Variants in NBAS observed in about 807,000 individuals in gnomAD.
NBAS encodes NBAS subunit of NRZ tethering complex, also known as NAG/BC035112 fusion.
In NBAS, 219 loss-of-function variants were observed where a neutral mutation model predicts 302.5. The observed-to-expected ratio is 0.72, with a 90% CI of 0.65 to 0.81. NBAS has a LOEUF of 0.81. Among genes scored for constraint, NBAS ranks in the 30% least tolerant of loss-of-function variants. The pLI is 0.00. For synonymous variants in NBAS, 1,118 were observed against 1,021.6 expected (o/e 1.09, Z -1.80); for missense variants, 2,932 against 2,841.6 (o/e 1.03, Z -0.72).
intron 38 of NBAS, among the ~76,000 whole-genome samples, chr2:15,319,276 A>C (rs1449422926): frequency 6.6e-6 from 1 of 152,226 alleles, no homozygotes; most frequent in Non-Finnish European, 1.5e-5. Flanking sequence ...TATAGCACTA[A>C]ATGCCCACAA....
chr2:15,034,266 AAGAAAGAAAGAG>A, the NBAS span, among the ~76,000 whole-genome samples: 150 of 100,178 alleles, frequency 1.5e-3, 1 homozygote, highest in Middle Eastern at 0.013. Context: ...GAAAGAAAGA[AAGAAAGAAAGAG>A]AGAAAGAAAG....
At chr2:15,007,197 C>T in the NBAS span, among the ~76,000 whole-genome samples, 1,000 of 152,172 alleles carry the variant, frequency 6.6e-3, 12 homozygotes, top group South Asian at 0.02. Flanking sequence ...CTAAATTATC[C>T]GGATACACTA....
chr2:14,833,328 T>G, the NBAS span, among the ~76,000 whole-genome samples: 2 of 152,100 alleles, frequency 1.3e-5, no homozygotes, highest in Non-Finnish European at 2.9e-5. Context: ...GGGTTCCAAG[T>G]TACATGAGGT....
chr2:15,320,562 A>C (rs1308638276), intron 38 of NBAS, among the ~76,000 whole-genome samples: 1 of 152,214 alleles, frequency 6.6e-6, no homozygotes, highest in African/African-American at 2.4e-5. Flanking sequence ...TCAGGATACA[A>C]AATCAAGGTG....
chr2:15,334,294 A>G (rs1221608677), intron 35 of NBAS, among the ~76,000 whole-genome samples: 1 of 151,650 alleles, frequency 6.6e-6, no homozygotes, highest in Non-Finnish European at 1.5e-5. Context: ...GGTTCATGCC[A>G]TTCTCCTGCC....
the NBAS span, among the ~76,000 whole-genome samples, chr2:15,091,293 A>AACACG: frequency 6.6e-5 from 10 of 151,910 alleles, no homozygotes; most frequent in Admixed American, 2.0e-4. Context: ...CACTTCATAC[A>AACACG]GTTTGAACTG....
At chr2:14,938,391 C>A in the NBAS span, among the ~76,000 whole-genome samples, 3 of 152,114 alleles carry the variant, frequency 2.0e-5, no homozygotes, top group African/African-American at 7.2e-5. Flanking sequence ...TGATTATGTC[C>A]AGGAGAAAAC....
intron 29 of NBAS, among the ~76,000 whole-genome samples, chr2:15,380,522 A>G (rs1242340274): frequency 6.6e-6 from 1 of 152,154 alleles, no homozygotes; most frequent in African/African-American, 2.4e-5. Context: ...ATTACAATAT[A>G]TTATAATGTA....
At chr2:15,258,736 C>A (rs1668717340) in intron 44 of NBAS, among the ~76,000 whole-genome samples, 1 of 152,178 alleles carries the variant, frequency 6.6e-6, no homozygotes. Flanking sequence ...CACAGCTGAA[C>A]ATAGACCCTT....
chr2:15,307,100 G>A (rs1291801856), intron 40 of NBAS, among the ~76,000 whole-genome samples: 2 of 152,176 alleles, frequency 1.3e-5, no homozygotes, highest in South Asian at 2.1e-4. Context: ...TGACAGGTGG[G>A]GATCTAAAGG....
At chr2:15,469,152 G>C (rs1045430230) in intron 16 of NBAS, among the ~76,000 whole-genome samples, 1 of 152,236 alleles carries the variant, frequency 6.6e-6, no homozygotes, top group South Asian at 2.1e-4. Flanking sequence ...CAAAAAACCA[G>C]CTCCTGGATT....
chr2:15,463,706 T>C (rs573839303), intron 19 of NBAS, among the ~76,000 whole-genome samples: 3 of 144,202 alleles, frequency 2.1e-5, no homozygotes, highest in South Asian at 4.4e-4. Flanking sequence ...ACTGAAGATA[T>C]GCCACAAAAC....
the NBAS span, among the ~76,000 whole-genome samples, chr2:14,883,952 A>G: frequency 1.3e-5 from 2 of 151,252 alleles, no homozygotes; most frequent in South Asian, 4.2e-4. Flanking sequence ...AGCCTCAGTG[A>G]CATAGTAAGA....
the NBAS span, among the ~76,000 whole-genome samples, chr2:14,794,878 G>T: frequency 6.6e-6 from 1 of 151,936 alleles, no homozygotes; most frequent in Non-Finnish European, 1.5e-5. Flanking sequence ...TTTATGTCTG[G>T]TTTCTTTCAC....
chr2:15,239,306 GTATTTTATGTATTTTC>G (rs1351352893), intron 44 of NBAS, among the ~76,000 whole-genome samples: 1 of 150,996 alleles, frequency 6.6e-6, no homozygotes, highest in East Asian at 1.9e-4. Context: ...TACAATATAT[GTATTTTATGTATTTTC>G]TATTTTATGT....
intron 40 of NBAS, among the ~76,000 whole-genome samples, chr2:15,300,141 T>C (rs1415329375): frequency 1.3e-5 from 2 of 152,128 alleles, no homozygotes; most frequent in South Asian, 2.1e-4. Context: ...AGGCTGTGCA[T>C]GAGAAATAAG....
chr2:15,470,287 G>A (rs1441394224), intron 16 of NBAS, among the ~76,000 whole-genome samples: 1 of 152,118 alleles, frequency 6.6e-6, no homozygotes, highest in East Asian at 1.9e-4. Flanking sequence ...ATCTTCCTCT[G>A]CTTCCACAGT....
At chr2:15,439,688 C>T (rs555055954) in intron 21 of NBAS, among the ~76,000 whole-genome samples, 26 of 152,226 alleles carry the variant, frequency 1.7e-4, no homozygotes, top group South Asian at 1.2e-3. Context: ...GTGCACAAGC[C>T]GAAGTAGGGC....
At chr2:15,016,809 AAATC>A in the NBAS span, among the ~76,000 whole-genome samples, 1 of 152,200 alleles carries the variant, frequency 6.6e-6, no homozygotes, top group African/African-American at 2.4e-5. Context: ...GAGAATCCAG[AAATC>A]AATCCGTGTA....
Sources: allele counts gnomAD v4.1 joint callset (sites outside exome capture counted in the v4.1 genomes callset), GRCh38; gene constraint gnomAD v4.1.1; transcripts MANE v1.5; gene names NCBI Gene and HGNC (gene_info 2026-07-23, HGNC 2026-07-21).